NRM: variants seen among roughly 807,000 people sequenced by gnomAD.
The protein encoded by NRM is nurim, also known as nuclear rim protein.
In NRM, 19 loss-of-function variants were observed where a neutral mutation model predicts 23.4. The observed-to-expected ratio is 0.81, with a 90% CI of 0.57 to 1.19. The LOEUF (loss-of-function observed/expected upper bound fraction) is 1.19. Ranked by LOEUF, NRM falls within the 50% of genes most tolerant of loss-of-function variation. The pLI is 0.00. For missense variants in NRM, 232 were observed against 329.7 expected (o/e 0.70, Z 2.30); for synonymous variants, 140 against 143.5 (o/e 0.98, Z 0.17).
Position 30,689,922 on chromosome 6 carries a change from A to G in NRM, c.330+125T>C. 1 of 841,136 alleles carries G rather than the reference A, an allele frequency of 1.2e-6. No individual in the cohort carries two copies. The highest frequency in any genetic ancestry group is 1.9e-6 in the Non-Finnish European group (1 of 539,604). The allele number at this position is 841,136 out of a possible 1,614,324, so 52.1% of individuals were successfully genotyped here. A position where few individuals can be genotyped will look rare whatever the true frequency, so the allele number is the denominator to read the frequency against. On this transcript the variant is annotated intron_variant, in intron 2 of 3. Transcript: ENST00000376421. This position sits in a 1 kb window ranked among gnomAD's most constrained non-coding sequence, Gnocchi z 4.7. ...CTGTGGAGGAATGGAAGCTGAGATTAGTTCCTCAATTCTCCTCCTGAACCC... is the reference window on the plus strand; with the variant it reads ...CTGTGGAGGAATGGAAGCTGAGATTGGTTCCTCAATTCTCCTCCTGAACCC...
At chr6:30,691,245 C>T (rs1481026959), upstream of NRM, 3 of 420,792 alleles carry the variant, frequency 7.1e-6, no homozygotes, top group Non-Finnish European at 1.3e-5. Flanking sequence ...TGCAGCCGCT[C>T]ACGTGGGTTG....
Position 30,688,294 on chromosome 6 carries a change from G to A in NRM, c.*367C>T, listed in dbSNP as rs1250397834. The A allele has an allele frequency of 1.6e-5, 4 of 255,078 alleles. No individual in the cohort carries two copies. The highest frequency in any genetic ancestry group is 6.6e-5 in the South Asian group (1 of 15,114). 15.8% of individuals were successfully genotyped at this position (255,078 alleles called of 1,614,324 possible). A position where few individuals can be genotyped will look rare whatever the true frequency, so the allele number is the denominator to read the frequency against. ...CCACCTTCTTGGAGTGGAAGCCAGCGGTGCAGAAGGGGACCCCTGAGGCGC... is the reference window on the plus strand; with the variant it reads ...CCACCTTCTTGGAGTGGAAGCCAGCAGTGCAGAAGGGGACCCCTGAGGCGC... On this transcript the variant is annotated 3_prime_UTR_variant, in exon 4 of 4. Coordinates refer to ENST00000376421, the MANE Select transcript of NRM (RefSeq NM_001384369.1). This position sits in a 1 kb window ranked among gnomAD's most constrained non-coding sequence, Gnocchi z 5.9.
Position 30,689,357 on chromosome 6 carries a change from A to G in NRM, c.426T>C (p.Phe142=). The change falls in exon 3 of 4, where the codon TTT becomes TTC. Residue 142 remains phenylalanine, a synonymous_variant. Coordinates refer to ENST00000376421, the MANE Select transcript of NRM (RefSeq NM_001384369.1). This position sits in a 1 kb window ranked among gnomAD's most constrained non-coding sequence, Gnocchi z 4.7. ...GGAGCCAGGAGATGACATGGAGCAC[A>G]AAGCAGAGGAGCGGCACCCAGGTGG... The part of the protein sequence containing the change: ...PWATWVPLLC[F]VLHVISWLLI... 1 of 1,558,880 alleles carries G rather than the reference A, an allele frequency of 6.4e-7. No individual in the cohort carries two copies.
Position 30,688,326 on chromosome 6 carries a change from A to C in NRM, c.*335T>G. 2.8e-6 allele frequency: 1 copy of C among 352,264 alleles called. No homozygotes were observed. Among genetic ancestry groups the C allele is most frequent in the Middle Eastern group, 7.7e-4 (1 of 1,296 alleles). The allele number at this position is 352,264 out of a possible 1,614,324, so 21.8% of individuals were successfully genotyped here. A position where few individuals can be genotyped will look rare whatever the true frequency, so the allele number is the denominator to read the frequency against. ...AAGGGGACCCCTGAGGCGCAGAGGC[A>C]AGTAACAGTGCCAGGGGAGTGGTCA... On this transcript the variant is annotated 3_prime_UTR_variant, in exon 4 of 4. Coordinates refer to ENST00000376421, the MANE Select transcript of NRM (RefSeq NM_001384369.1). This position sits in a 1 kb window ranked among gnomAD's most constrained non-coding sequence, Gnocchi z 5.9.
Position 30,690,401 on chromosome 6 carries a change from C to A in NRM, c.134-158G>T. The A allele has an allele frequency of 9.5e-7, 1 of 1,056,710 alleles. No individual in the cohort carries two copies. Among genetic ancestry groups the A allele is most frequent in the Non-Finnish European group, 1.3e-6 (1 of 747,192 alleles). 65.5% of individuals were successfully genotyped at this position (1,056,710 alleles called of 1,614,324 possible). The stretch of plus-strand genomic sequence containing the variant: ...GCTGTGCCCATCTCACTTTTCCATC[C>A]CTAGTTTCTGCCCTCTTCCCTAGGC... On this transcript the variant is annotated intron_variant, in intron 1 of 3. Transcript: ENST00000376421. This position sits in a 1 kb window ranked among gnomAD's most constrained non-coding sequence, Gnocchi z 5.5.
Position 30,689,223 on chromosome 6 carries a change from C to A in NRM, c.507+53G>T. ...GAGGAGGGAAACCCTTGAAAGGGAA[C>A]GAGGAGTTCTAAAATGGGTCAGAGG... On this transcript the variant is annotated intron_variant, in intron 3 of 3. Transcript: ENST00000376421. The surrounding 1 kb of genome is among the most constrained non-coding windows in gnomAD (Gnocchi z 4.7). 6.7e-7 allele frequency: 1 copy of A among 1,483,230 alleles called. No homozygotes were observed. Among genetic ancestry groups the A allele is most frequent in the Non-Finnish European group, 9.1e-7 (1 of 1,097,870 alleles). The allele number at this position is 1,483,230 out of a possible 1,614,324, so 91.9% of individuals were successfully genotyped here.
Position 30,688,753 on chromosome 6 carries a change from C to G in NRM, c.697G>C (p.Gly233Arg). 1.2e-6 allele frequency: 2 copies of G among 1,613,806 alleles called. No homozygotes were observed. Among genetic ancestry groups the G allele is most frequent in the Non-Finnish European group, 1.7e-6 (2 of 1,179,982 alleles). ...TAGCGGAGGTCTTGCTGATCAAGCC[C>G]GTGAGCCAGGCCCAGGTAGAGGGTA... The part of the protein sequence containing the change: ...LLTLYLGLAH[G>R]LDQQDLRYLR... Residue 233 changes from glycine (G) to arginine (R), a missense_variant, in exon 4 of 4, where the codon GGG (glycine) becomes CGG (arginine). By Grantham distance (125) the Gly-to-Arg change is moderately radical. Coordinates refer to ENST00000376421, the MANE Select transcript of NRM (RefSeq NM_001384369.1). This position sits in a 1 kb window ranked among gnomAD's most constrained non-coding sequence, Gnocchi z 5.9.
chr6:30,691,034 C>A (rs1771600798), upstream of NRM: 4 of 1,533,106 alleles, frequency 2.6e-6, no homozygotes, highest in Non-Finnish European at 2.6e-6. Context: ...CCACAGGCCC[C>A]GCCCGCGGCC....
chr6:30,688,731 C>G lies in NRM; in HGVS notation c.719G>C (p.Arg240Pro), dbSNP rs769158965. 6.2e-7 allele frequency: 1 copy of G among 1,613,820 alleles called. No homozygotes were observed. The change falls in exon 4 of 4, where the codon CGC becomes CCC. Residue 240 changes from arginine (R) to proline (P), a missense_variant. By Grantham distance (103) the Arg-to-Pro change is moderately radical. Transcript: ENST00000376421. This position sits in a 1 kb window ranked among gnomAD's most constrained non-coding sequence, Gnocchi z 5.9. ...TCTTTGTAGCTGGGCCCGGAGGTAGCGGAGGTCTTGCTGATCAAGCCCGTG... is the reference window on the plus strand; with the variant it reads ...TCTTTGTAGCTGGGCCCGGAGGTAGGGGAGGTCTTGCTGATCAAGCCCGTG... ...LAHGLDQQDLRYLRAQLQRKL... is the reference protein window; with the variant it reads ...LAHGLDQQDLPYLRAQLQRKL...
At position 30,689,714 on chromosome 6, in the gene NRM, A is replaced by G. The variant is rs1442071467; in HGVS notation, c.331-262T>C. Reference sequence around the variant, plus strand: ...CTACGCAAAGTAGTAGCCTGTGCCAACCACCCAGTGAAAAGACAGACAAGG... The same window carrying G: ...CTACGCAAAGTAGTAGCCTGTGCCAGCCACCCAGTGAAAAGACAGACAAGG... On this transcript the variant is annotated intron_variant, in intron 2 of 3. Transcript: ENST00000376421. The surrounding 1 kb of genome is among the most constrained non-coding windows in gnomAD (Gnocchi z 4.7). Among the ~76,000 whole-genome samples the G allele has an allele frequency of 6.6e-6, 1 of 152,164 alleles. No homozygotes were observed. Among genetic ancestry groups the G allele is most frequent in the Non-Finnish European group, 1.5e-5 (1 of 68,032 alleles).
chr6:30,688,593 G>T lies in NRM; in HGVS notation c.*68C>A. On this transcript the variant is annotated 3_prime_UTR_variant, in exon 4 of 4. Coordinates refer to ENST00000376421, the MANE Select transcript of NRM (RefSeq NM_001384369.1). The surrounding 1 kb of genome is among the most constrained non-coding windows in gnomAD (Gnocchi z 5.9). ...GGGCCTCTGGCATGAAGCAGCCAGG[G>T]CCTGGATGTTAAGGATTTAGAATTC... The T allele has an allele frequency of 6.4e-7, 1 of 1,550,728 alleles. No homozygotes were observed. The highest frequency in any genetic ancestry group is 1.8e-5 in the Admixed American group (1 of 56,056).
rs1264594102 is a variant in NRM at position 30,690,797 on chromosome 6, C to T, written c.133+45G>A. 3 of 1,612,808 alleles carry T rather than the reference C, an allele frequency of 1.9e-6. No individual in the cohort carries two copies. The South Asian group carries it at 3.3e-5, about 18-fold the overall frequency. On this transcript the variant is annotated intron_variant, in intron 1 of 3. Transcript: ENST00000376421. This position sits in a 1 kb window ranked among gnomAD's most constrained non-coding sequence, Gnocchi z 5.5. ...CCCGCCCTCAATCCCTCTCCTACGG[C>T]TCCACCTTCCTCCTCCCAGTTCATC...
Position 30,690,400 on chromosome 6 carries a change from C to A in NRM, c.134-157G>T, listed in dbSNP as rs551216238. 24 of 1,054,286 alleles carry A rather than the reference C, an allele frequency of 2.3e-5. No individual in the cohort carries two copies. In the Admixed American group the frequency reaches 6.2e-4, roughly 27 times the overall value. 65.3% of individuals were successfully genotyped at this position (1,054,286 alleles called of 1,614,324 possible). On this transcript the variant is annotated intron_variant, in intron 1 of 3. Coordinates refer to ENST00000376421, the MANE Select transcript of NRM (RefSeq NM_001384369.1). The surrounding 1 kb of genome is among the most constrained non-coding windows in gnomAD (Gnocchi z 5.5). ...GGCTGTGCCCATCTCACTTTTCCAT[C>A]CCTAGTTTCTGCCCTCTTCCCTAGG...
Position 30,689,094 on chromosome 6 carries a change from T to C in NRM, c.508-152A>G, listed in dbSNP as rs1583016505. On this transcript the variant is annotated intron_variant, in intron 3 of 3. Coordinates refer to ENST00000376421, the MANE Select transcript of NRM (RefSeq NM_001384369.1). This position sits in a 1 kb window ranked among gnomAD's most constrained non-coding sequence, Gnocchi z 4.7. ...ATCCCTGATCCTGACTTCTGATCCATGTACCTTCCCCAGGCCCAGGAGGCC... is the reference window on the plus strand; with the variant it reads ...ATCCCTGATCCTGACTTCTGATCCACGTACCTTCCCCAGGCCCAGGAGGCC... 2 of 1,123,756 alleles carry C rather than the reference T, an allele frequency of 1.8e-6. No individual in the cohort carries two copies. The highest frequency in any genetic ancestry group is 2.6e-5 in the East Asian group (1 of 38,712). The allele number at this position is 1,123,756 out of a possible 1,614,324, so 69.6% of individuals were successfully genotyped here.
chr6:30,689,610 G>T lies in NRM; in HGVS notation c.331-158C>A. Reference sequence around the variant, plus strand: ...AATATTCACCATGTGGAGGGTGCGTGCTGGGTGAGGTCCCAAAGATGTAAG... The same window carrying T: ...AATATTCACCATGTGGAGGGTGCGTTCTGGGTGAGGTCCCAAAGATGTAAG... On this transcript the variant is annotated intron_variant, in intron 2 of 3. Transcript: ENST00000376421. The surrounding 1 kb of genome is among the most constrained non-coding windows in gnomAD (Gnocchi z 4.7). The T allele has an allele frequency of 3.4e-6, 1 of 296,008 alleles. No individual in the cohort carries two copies. The highest frequency in any genetic ancestry group is 1.7e-4 in the East Asian group (1 of 5,802). 18.3% of individuals were successfully genotyped at this position (296,008 alleles called of 1,614,324 possible).
Position 30,690,560 on chromosome 6 carries a change from C to CCT in NRM, c.133+280_133+281dup. On this transcript the variant is annotated intron_variant, in intron 1 of 3. Coordinates refer to ENST00000376421, the MANE Select transcript of NRM (RefSeq NM_001384369.1). This position sits in a 1 kb window ranked among gnomAD's most constrained non-coding sequence, Gnocchi z 5.5. ...AAATGCTCCTTCTTTTTAACACTCT[C>CCT]CTCTCAACAGTCCTCTCTACAAAAC... 6.5e-7 allele frequency: 1 copy of CCT among 1,542,948 alleles called. No homozygotes were observed. The highest frequency in any genetic ancestry group is 8.8e-7 in the Non-Finnish European group (1 of 1,142,556).
rs1771404922 is a variant in NRM, at chr6:30,689,853, G to C, written c.330+194C>G. On this transcript the variant is annotated intron_variant, in intron 2 of 3. Coordinates refer to ENST00000376421, the MANE Select transcript of NRM (RefSeq NM_001384369.1). The surrounding 1 kb of genome is among the most constrained non-coding windows in gnomAD (Gnocchi z 4.7). ...AGGTGAGAAGCATATCTTGTGCTTA[G>C]GGAAGGACAAGTACACCCTTCTTGA... Among the ~76,000 whole-genome samples, 1 of 152,174 alleles carries C rather than the reference G, an allele frequency of 6.6e-6. No homozygotes were observed. Among genetic ancestry groups the C allele is most frequent in the South Asian group, 2.1e-4 (1 of 4,834 alleles).
chr6:30,688,961 C>G lies in NRM; in HGVS notation c.508-19G>C. On this transcript the variant is annotated intron_variant, in intron 3 of 3. Transcript: ENST00000376421. This position sits in a 1 kb window ranked among gnomAD's most constrained non-coding sequence, Gnocchi z 5.9. ...AGTATACCTAAGAGAGGGAGAAGAG[C>G]TTAGAAATGGAGTCAAGCCCTTTTC... The G allele has an allele frequency of 3.1e-6, 5 of 1,602,368 alleles. No homozygotes were observed. The highest frequency in any genetic ancestry group is 4.3e-6 in the Non-Finnish European group (5 of 1,173,792).
rs1413559899 is a variant in NRM at position 30,689,687 on chromosome 6, AG to A, written c.331-236del. Among the ~76,000 whole-genome samples, 1 of 152,192 alleles carries A rather than the reference AG, an allele frequency of 6.6e-6. No homozygotes were observed. ...TATAGAATAGATGGGGTGACCTGAT[AG>A]CTACGCAAAGTAGTAGCCTGTGCCA... On this transcript the variant is annotated intron_variant, in intron 2 of 3. Transcript: ENST00000376421. This position sits in a 1 kb window ranked among gnomAD's most constrained non-coding sequence, Gnocchi z 4.7.
Sources: gnomAD v4.1 joint callset for allele counts (sites outside exome capture counted in the v4.1 genomes callset) on GRCh38, gnomAD v4.1.1 for gene constraint, Gnocchi (gnomAD v3.1) non-coding constraint, MANE v1.5 for transcripts, NCBI Gene and HGNC (gene_info 2026-07-23, HGNC 2026-07-21) for gene names.